SYNM: variants seen among roughly 807,000 people sequenced by gnomAD.
The protein encoded by SYNM is desmuslin.
SYNM carries 95 observed loss-of-function variants against 104.0 expected under a neutral mutation model. The observed-to-expected ratio is 0.91, with a 90% CI of 0.77 to 1.08. The LOEUF (loss-of-function observed/expected upper bound fraction) is 1.08, where lower values mean the gene tolerates loss of function less well. Among genes scored for constraint, SYNM ranks in the 50% least tolerant of loss-of-function variants. The probability of loss-of-function intolerance (pLI) is 0.00; values close to 1 mark genes in which losing one functional copy is unlikely to be tolerated. For missense variants in SYNM, 2,150 were observed against 2,052.2 expected (o/e 1.05, Z -0.92); for synonymous variants, 918 against 869.0 (o/e 1.06, Z -0.99).
At chr15:99,138,234 A>C (rs2067764350), downstream of SYNM, 19 of 1,365,926 alleles carry the variant, frequency 1.4e-5, no homozygotes, top group Non-Finnish European at 1.9e-5. Context: ...TTATGAGAAG[A>C]CTTGGTAGGG....
chr15:99,131,378 A>C lies in SYNM; in HGVS notation c.3018A>C (p.Ser1006=), dbSNP rs537963288. ...SVTLVAEVNV[S]QTVDADRLDL... Reference sequence around the variant, plus strand: ...CCCTGGTTGCTGAAGTCAACGTCTCACAAACTGTGGATGCCGATCGGTTAG... The same window carrying C: ...CCCTGGTTGCTGAAGTCAACGTCTCCCAAACTGTGGATGCCGATCGGTTAG... The change falls in exon 4 of 4, where the codon TCA becomes TCC. Residue 1006 remains serine, a synonymous_variant. Coordinates refer to ENST00000336292, the MANE Select transcript of SYNM (RefSeq NM_145728.3). This position sits in a 1 kb window ranked among gnomAD's most constrained non-coding sequence, Gnocchi z 4.3. 6.2e-7 allele frequency: 1 copy of C among 1,613,188 alleles called. No homozygotes were observed. The highest frequency in any genetic ancestry group is 1.1e-5 in the South Asian group (1 of 90,810).
rs2067224666 is a variant in SYNM at position 99,105,524 on chromosome 15, C to T, written c.325C>T (p.Leu109=). ...DAEERAARGR[L]DAELGAQQRE... ...GGAGGAGCGCGCCGCCCGCGGCCGC[C>T]TGGACGCCGAGCTGGGTGCGCAGCA... The change falls in exon 1 of 4, where the codon CTG becomes TTG. Residue 109 remains leucine, a synonymous_variant. Coordinates refer to ENST00000336292, the MANE Select transcript of SYNM (RefSeq NM_145728.3). The T allele has an allele frequency of 9.6e-6, 12 of 1,255,028 alleles. No homozygotes were observed. Among genetic ancestry groups the T allele is most frequent in the Non-Finnish European group, 1.1e-5 (11 of 1,002,596 alleles). The allele number at this position is 1,255,028 out of a possible 1,614,324, so 77.7% of individuals were successfully genotyped here.
intron 2 of SYNM, 89 bp from the exon 3 acceptor site, chr15:99,126,633 C>CA (rs2067450322): frequency 8.0e-7 from 1 of 1,250,510 alleles, no homozygotes. Context: ...ACACTATGGT[C>CA]ATTGGCCGCA....
At chr15:99,112,352 C>A (rs1262311058) in intron 1 of SYNM, among the ~76,000 whole-genome samples, 2 of 152,198 alleles carry the variant, frequency 1.3e-5, no homozygotes, top group Non-Finnish European at 2.9e-5. Flanking sequence ...TAAATACTTG[C>A]TTGGTTAATT....
intron 2 of SYNM, among the ~76,000 whole-genome samples, chr15:99,115,780 T>C (rs1353584480): frequency 6.6e-6 from 1 of 152,194 alleles, no homozygotes; most frequent in Non-Finnish European, 1.5e-5. Flanking sequence ...GATTTTTTGC[T>C]CTAAGAATAT....
chr15:99,125,682 C>A (rs2067440870), intron 2 of SYNM, among the ~76,000 whole-genome samples: 1 of 152,224 alleles, frequency 6.6e-6, no homozygotes, highest in African/African-American at 2.4e-5. Context: ...CGTTTTTGTG[C>A]CCAGCTCTCA....
At position 99,105,479 on chromosome 15, in the gene SYNM, G is replaced by C. The variant is rs1203685288; in HGVS notation, c.280G>C (p.Glu94Gln). The change falls in exon 1 of 4, where the codon GAG becomes CAG. Residue 94 changes from glutamate to glutamine, a missense_variant. Coordinates refer to ENST00000336292, the MANE Select transcript of SYNM (RefSeq NM_145728.3). ...GGACGCTCTGCGGCGCGAGCTGCGG[G>C]AGCTGCAGCGCCTGGATGCGGAGGA... ...ERDALRRELR[E>Q]LQRLDAEERA... 2 of 1,371,356 alleles carry C rather than the reference G, an allele frequency of 1.5e-6. No individual in the cohort carries two copies. The highest frequency in any genetic ancestry group is 3.0e-5 in the African/African-American group (2 of 65,688). The allele number at this position is 1,371,356 out of a possible 1,614,324, so 84.9% of individuals were successfully genotyped here.
intron 2 of SYNM, among the ~76,000 whole-genome samples, chr15:99,115,394 T>C (rs2067337992): frequency 6.6e-6 from 1 of 150,942 alleles, no homozygotes; most frequent in Non-Finnish European, 1.5e-5. Context: ...GCCTGTGTAA[T>C]CTTCTGATCA....
At chr15:99,118,435 G>C (rs1023578840) in intron 2 of SYNM, among the ~76,000 whole-genome samples, 1 of 152,186 alleles carries the variant, frequency 6.6e-6, no homozygotes, top group Non-Finnish European at 1.5e-5. Context: ...GAATTGCTGA[G>C]TTGACTGTCA....
At chr15:99,111,722 A>G in intron 1 of SYNM, among the ~76,000 whole-genome samples, 1 of 151,668 alleles carries the variant, frequency 6.6e-6, no homozygotes, top group East Asian at 1.9e-4. Context: ...AAGTGGGAAT[A>G]TTTATTGGCT....
chr15:99,114,088 G>A (rs1555483678), intron 2 of SYNM, among the ~76,000 whole-genome samples: 1 of 133,126 alleles, frequency 7.5e-6, no homozygotes, highest in African/African-American at 2.6e-5. Flanking sequence ...GAAAGTGGAG[G>A]GCCAGGATGT....
downstream of SYNM, among the ~76,000 whole-genome samples, chr15:99,138,314 T>G (rs1435154604): frequency 3.9e-5 from 6 of 152,126 alleles, no homozygotes; most frequent in Non-Finnish European, 8.8e-5. Context: ...TCTTTTATTT[T>G]TTTAATTTTT....
chr15:99,113,817 G>A, intron 2 of SYNM, 102 bp downstream of exon 2: 1 of 1,494,726 alleles, frequency 6.7e-7, no homozygotes, highest in Non-Finnish European at 9.0e-7. Context: ...GAGTCACTGT[G>A]GCTTTGTGAC....
chr15:99,120,406 GA>G (rs1186926899), intron 2 of SYNM, among the ~76,000 whole-genome samples: 2 of 152,200 alleles, frequency 1.3e-5, no homozygotes, highest in African/African-American at 4.8e-5. Context: ...TTTCCAGGCA[GA>G]GGGAATGGCC....
intron 2 of SYNM, among the ~76,000 whole-genome samples, chr15:99,119,017 C>T (rs1053303644): frequency 2.0e-4 from 30 of 152,204 alleles, no homozygotes; most frequent in African/African-American, 4.6e-4. Context: ...TCAAGAGTAG[C>T]GGCAGTTGTG....
intron 2 of SYNM, among the ~76,000 whole-genome samples, chr15:99,125,091 C>T (rs1211001353): frequency 2.0e-5 from 3 of 152,208 alleles, no homozygotes; most frequent in African/African-American, 4.8e-5. Flanking sequence ...ACATACCTTC[C>T]GTTCTAACTT....
chr15:99,106,345 C>T (rs912668548), intron 1 of SYNM, among the ~76,000 whole-genome samples: 1 of 152,204 alleles, frequency 6.6e-6, no homozygotes, highest in African/African-American at 2.4e-5. Flanking sequence ...TTCCGTGCTC[C>T]GTAGACTCAG....
intron 2 of SYNM, among the ~76,000 whole-genome samples, chr15:99,120,043 T>C (rs2067385321): frequency 6.6e-6 from 1 of 152,222 alleles, no homozygotes; most frequent in South Asian, 2.1e-4. Context: ...GTATCTGCAA[T>C]TTTTATAGCT....
downstream of SYNM, chr15:99,139,344 G>A (rs1555488896): frequency 6.2e-7 from 1 of 1,613,778 alleles, no homozygotes; most frequent in Non-Finnish European, 8.5e-7. Context: ...GGCCTGCTGG[G>A]TGGCCAGAGT....
Sources: allele counts gnomAD v4.1 joint callset (sites outside exome capture counted in the v4.1 genomes callset), GRCh38; gene constraint gnomAD v4.1.1; non-coding constraint Gnocchi (gnomAD v3.1); transcripts MANE v1.5; gene names NCBI Gene and HGNC (gene_info 2026-07-23, HGNC 2026-07-21).